The following ARK2C variants were observed in gnomAD, a reference collection of about 807,000 sequenced individuals.
ARK2C encodes arkadia (RNF111) C-terminal like ring finger ubiquitin ligase 2C, also known as E3 ubiquitin-protein ligase ARK2C.
the ARK2C span, among the ~76,000 whole-genome samples, chr18:46,418,756 A>G: frequency 6.6e-6 from 1 of 152,220 alleles, no homozygotes; most frequent in African/African-American, 2.4e-5. Flanking sequence ...AGACCCAGAA[A>G]AGAGCTATCA....
At chr18:46,452,726 G>T in the ARK2C span, among the ~76,000 whole-genome samples, 1 of 152,112 alleles carries the variant, frequency 6.6e-6, no homozygotes, top group African/African-American at 2.4e-5. Flanking sequence ...GAATCTTAGA[G>T]CAGGACTGTC....
At chr18:46,412,578 T>C in the ARK2C span, among the ~76,000 whole-genome samples, 11 of 152,336 alleles carry the variant, frequency 7.2e-5, no homozygotes, top group African/African-American at 2.6e-4. Context: ...CTGATGAGGC[T>C]GCCTGGTTGG....
the ARK2C span, among the ~76,000 whole-genome samples, chr18:46,411,502 T>C: frequency 6.3e-4 from 96 of 152,354 alleles, no homozygotes; most frequent in African/African-American, 2.3e-3. Context: ...TGCTATCGAT[T>C]GATTCATTTC....
At chr18:46,418,794 G>C in the ARK2C span, among the ~76,000 whole-genome samples, 1 of 152,246 alleles carries the variant, frequency 6.6e-6, no homozygotes, top group Non-Finnish European at 1.5e-5. Context: ...TCTGGGCTGT[G>C]AGGGCAGGAC....
the ARK2C span, among the ~76,000 whole-genome samples, chr18:46,357,891 A>T: frequency 6.6e-6 from 1 of 152,078 alleles, no homozygotes; most frequent in Non-Finnish European, 1.5e-5. Context: ...TTCCTTCCTC[A>T]TCTCTCCTCT....
chr18:46,444,712 A>G, the ARK2C span, among the ~76,000 whole-genome samples: 1 of 151,578 alleles, frequency 6.6e-6, no homozygotes, highest in African/African-American at 2.4e-5. Flanking sequence ...GACTAAAATG[A>G]TCCTCCTGCC....
the ARK2C span, among the ~76,000 whole-genome samples, chr18:46,398,565 A>G: frequency 1.3e-5 from 2 of 152,044 alleles, no homozygotes; most frequent in Middle Eastern, 6.8e-3. Flanking sequence ...CTTTAGTGCT[A>G]GAGGAACCCA....
chr18:46,454,348 C>G, the ARK2C span, among the ~76,000 whole-genome samples: 2 of 152,110 alleles, frequency 1.3e-5, no homozygotes, highest in East Asian at 3.9e-4. Flanking sequence ...AAACGAAGGC[C>G]ACTCTTCCAG....
chr18:46,381,072 C>T, the ARK2C span, among the ~76,000 whole-genome samples: 15 of 152,350 alleles, frequency 9.8e-5, no homozygotes, highest in African/African-American at 2.9e-4. Context: ...CACACTACTG[C>T]GCCTCAGTTT....
the ARK2C span, among the ~76,000 whole-genome samples, chr18:46,393,484 TTCC>T: frequency 6.6e-6 from 1 of 152,136 alleles, no homozygotes; most frequent in Non-Finnish European, 1.5e-5. Flanking sequence ...GCTGGGAGGC[TTCC>T]TTCTCTTTCT....
chr18:46,438,633 G>A, the ARK2C span, among the ~76,000 whole-genome samples: 1 of 152,196 alleles, frequency 6.6e-6, no homozygotes, highest in African/African-American at 2.4e-5. Context: ...AACCCTGATG[G>A]TCCCAACTGG....
chr18:46,433,601 G>C, the ARK2C span: 2 of 1,125,176 alleles, frequency 1.8e-6, no homozygotes, highest in Non-Finnish European at 2.5e-6. Context: ...GGCGTGGCCC[G>C]GGTGTGGCGG....
chr18:46,415,418 C>G, the ARK2C span, among the ~76,000 whole-genome samples: 1 of 151,664 alleles, frequency 6.6e-6, no homozygotes, highest in Non-Finnish European at 1.5e-5. Context: ...CCCAGCTACT[C>G]GGGAGGCTGA....
chr18:46,392,778 G>A, the ARK2C span, among the ~76,000 whole-genome samples: 3 of 152,148 alleles, frequency 2.0e-5, no homozygotes, highest in African/African-American at 7.2e-5. Flanking sequence ...GCCCGGACGG[G>A]GCCTGTGTGA....
chr18:46,447,788 C>T, the ARK2C span: 1 of 1,443,508 alleles, frequency 6.9e-7, no homozygotes, highest in East Asian at 2.3e-5. Flanking sequence ...CATGGCCTGG[C>T]TCCCCTGTAT....
At chr18:46,342,445 C>T in the ARK2C span, among the ~76,000 whole-genome samples, 1 of 152,224 alleles carries the variant, frequency 6.6e-6, no homozygotes, top group Admixed American at 6.5e-5. Flanking sequence ...GTCTAGACCC[C>T]CAACCCTGAG....
the ARK2C span, among the ~76,000 whole-genome samples, chr18:46,442,162 C>CAA: frequency 0.081 from 11,207 of 139,080 alleles, 538 homozygotes; most frequent in Non-Finnish European, 0.1. Context: ...AACTCCGTCT[C>CAA]AAAAAAAAAA....
chr18:46,370,115 T>G, the ARK2C span, among the ~76,000 whole-genome samples: 1 of 152,312 alleles, frequency 6.6e-6, no homozygotes, highest in South Asian at 2.1e-4. Context: ...TCCAGGCTCA[T>G]CTACCAATCT....
chr18:46,456,077 T>A, the ARK2C span: 2 of 1,594,444 alleles, frequency 1.3e-6, no homozygotes, highest in Non-Finnish European at 1.7e-6. Flanking sequence ...GGAGAAGATG[T>A]GAGGTAGGAG....
Sources: gnomAD v4.1 joint callset for allele counts (sites outside exome capture counted in the v4.1 genomes callset) on GRCh38, gnomAD v4.1.1 for gene constraint, MANE v1.5 for transcripts, NCBI Gene and HGNC (gene_info 2026-07-23, HGNC 2026-07-21) for gene names.